The following KCNH1 variants were observed in gnomAD, a reference collection of about 807,000 sequenced individuals.
The protein encoded by KCNH1 is potassium voltage-gated channel subfamily H member 1.
Under a neutral mutation model 69.2 loss-of-function variants are expected in KCNH1, and 27 were observed. The observed-to-expected ratio is 0.39, with a 90% CI of 0.29 to 0.54. The LOEUF (loss-of-function observed/expected upper bound fraction) is 0.54, where lower values mean the gene tolerates loss of function less well. Ranked by LOEUF, KCNH1 falls within the 20% of genes least tolerant of loss-of-function variation. KCNH1 has a pLI of 0.68. For synonymous variants in KCNH1, 456 were observed against 487.7 expected, an observed-to-expected ratio of 0.93 and a Z score of 0.86; for missense variants, 798 against 1,261.6, an observed-to-expected ratio of 0.63 and a Z score of 5.57.
chr1:211,125,068 C>A (rs1435838565), intron 1 of KCNH1, among the ~76,000 whole-genome samples: 1 of 152,170 alleles, frequency 6.6e-6, no homozygotes, highest in Non-Finnish European at 1.5e-5. Context: ...CTACCCAAAC[C>A]CAAAGAGAGC....
At chr1:211,051,099 G>A (rs1408097433) in intron 5 of KCNH1, among the ~76,000 whole-genome samples, 1 of 152,064 alleles carries the variant, frequency 6.6e-6, no homozygotes, top group East Asian at 1.9e-4. Context: ...CCGGGTTCAA[G>A]TGATTCTCGT....
At chr1:210,835,357 A>G (rs1236176269) in intron 7 of KCNH1, among the ~76,000 whole-genome samples, 2 of 152,230 alleles carry the variant, frequency 1.3e-5, no homozygotes, top group African/African-American at 2.4e-5. Context: ...CCAGAATTCC[A>G]TGAGCTCTAA....
At chr1:210,743,600 G>A (rs957071108) in intron 10 of KCNH1, among the ~76,000 whole-genome samples, 10 of 152,166 alleles carry the variant, frequency 6.6e-5, no homozygotes, top group East Asian at 3.9e-4. Context: ...GGACAAGAAC[G>A]CCTATTTTTA....
intron 6 of KCNH1, among the ~76,000 whole-genome samples, chr1:210,955,530 A>G (rs1050822286): frequency 6.6e-6 from 1 of 152,174 alleles, no homozygotes; most frequent in Non-Finnish European, 1.5e-5. Context: ...CTTCCTGTCC[A>G]TGAGCATGGA....
chr1:210,759,164 C>CACACAT (rs1683461048), intron 10 of KCNH1, among the ~76,000 whole-genome samples: 3 of 151,314 alleles, frequency 2.0e-5, no homozygotes, highest in Admixed American at 2.0e-4. Context: ...TAGACACACA[C>CACACAT]ACACACACAC....
At chr1:210,850,218 G>T (rs1358484696) in intron 7 of KCNH1, among the ~76,000 whole-genome samples, 1 of 152,126 alleles carries the variant, frequency 6.6e-6, no homozygotes, top group Non-Finnish European at 1.5e-5. Context: ...AACATCTGGG[G>T]CCAGGTGCGG....
Position 210,865,959 on chromosome 1 carries a change from T to C in KCNH1, c.1462+53681A>G, listed in dbSNP as rs575976379. On this transcript the variant is annotated intron_variant, in intron 7 of 10. Coordinates refer to ENST00000271751, the MANE Select transcript of KCNH1 (RefSeq NM_172362.3). ...GGCTAAATGTGGGTCAAAAAGTATG[T>C]TATAGATCAGCTTTAGTTGAAAAAA... is the stretch of plus-strand genomic sequence containing the variant. 3.3e-5 allele frequency among the ~76,000 whole-genome samples: 5 copies of C among 152,258 alleles called. No individual in the cohort carries two copies. In the South Asian group the frequency reaches 1.0e-3, roughly 32 times the overall value.
intron 6 of KCNH1, among the ~76,000 whole-genome samples, chr1:210,943,479 G>T (rs11582806): frequency 0.045 from 6,921 of 152,126 alleles, 265 homozygotes; most frequent in South Asian, 0.14. Context: ...CTCCCAAGCA[G>T]CTGGGAATAC....
chr1:211,120,293 A>G (rs1476450052), intron 1 of KCNH1, among the ~76,000 whole-genome samples: 1 of 151,606 alleles, frequency 6.6e-6, no homozygotes, highest in South Asian at 2.1e-4. Context: ...GGGTTCAAGC[A>G]ATTCTCCTGC....
chr1:210,968,889 C>G (rs1199181078), intron 6 of KCNH1, among the ~76,000 whole-genome samples: 1 of 152,012 alleles, frequency 6.6e-6, no homozygotes, highest in African/African-American at 2.4e-5. Context: ...AAATATCCCC[C>G]CATTACAATG....
intron 9 of KCNH1, among the ~76,000 whole-genome samples, chr1:210,795,962 A>AACACACACAC (rs369505764): frequency 0.027 from 3,738 of 135,936 alleles, 88 homozygotes; most frequent in East Asian, 0.1. Flanking sequence ...CTCTACTAAA[A>AACACACACAC]ACACACACAC....
At chr1:210,835,025 A>G (rs7520112) in intron 7 of KCNH1, among the ~76,000 whole-genome samples, 13,734 of 152,228 alleles carry the variant, frequency 0.09, 1,386 homozygotes, top group African/African-American at 0.24. Context: ...TGCGAGTCAT[A>G]AAGCCTTCTG....
chr1:210,927,732 T>C (rs2102571709), intron 6 of KCNH1, among the ~76,000 whole-genome samples: 1 of 152,272 alleles, frequency 6.6e-6, no homozygotes, highest in South Asian at 2.1e-4. Flanking sequence ...TGAATGTAAA[T>C]GGCCTAAAGG....
In KCNH1 at chr1:211,134,132, G is replaced by A. The variant is rs1020001293; in HGVS notation, c.-187C>T. 5 of 482,398 alleles carry A rather than the reference G, an allele frequency of 1.0e-5. No individual in the cohort carries two copies. Among genetic ancestry groups the A allele is most frequent in the African/African-American group, 1.0e-4 (5 of 48,344 alleles). 29.9% of individuals were successfully genotyped at this position (482,398 alleles called of 1,614,324 possible). ...GCCCTCTTCGCGCCTCCCTCCCTGC[G>A]GCCCGCCTCGCAGTGCACTCGCGCC... On this transcript the variant is annotated 5_prime_UTR_variant, in exon 1 of 11. Transcript: ENST00000271751. This position sits in a 1 kb window ranked among gnomAD's most constrained non-coding sequence, Gnocchi z 5.7.
At chr1:210,757,847 G>T (rs1259762140) in intron 10 of KCNH1, among the ~76,000 whole-genome samples, 1 of 152,204 alleles carries the variant, frequency 6.6e-6, no homozygotes, top group Non-Finnish European at 1.5e-5. Flanking sequence ...GCCCTGTGGG[G>T]GCTCCATAAA....
In KCNH1 at chr1:210,797,608, C is replaced by A. The variant is rs760359944; in HGVS notation, c.1815G>T (p.Gly605=). The A allele has an allele frequency of 1.2e-6, 2 of 1,614,206 alleles. No homozygotes were observed. ...MEFQTVHCAP[G]DLIYHAGESV... is the part of the protein sequence containing the mutation. ...TCTCTCCTGCATGGTAGATGAGGTC[C>A]CCTGGGGCACAGTGCACCGTCTGGA... is the stretch of plus-strand genomic sequence containing the variant. The change falls in exon 9 of 11, where the codon GGG becomes GGT. Residue 605 remains glycine, a synonymous_variant. Transcript: ENST00000271751.
chr1:210,792,093 C>T (rs1377009255), intron 9 of KCNH1, among the ~76,000 whole-genome samples: 2 of 152,112 alleles, frequency 1.3e-5, no homozygotes, highest in Admixed American at 1.3e-4. Context: ...CCACTTCCTC[C>T]TCCTCTGGCC....
intron 7 of KCNH1, among the ~76,000 whole-genome samples, chr1:210,894,156 C>T (rs1187932045): frequency 6.6e-6 from 1 of 152,034 alleles, no homozygotes; most frequent in African/African-American, 2.4e-5. Flanking sequence ...GTGAATAGGA[C>T]TTTTGGGGTA....
At chr1:210,912,446 CT>C in intron 7 of KCNH1, among the ~76,000 whole-genome samples, 1 of 152,178 alleles carries the variant, frequency 6.6e-6, no homozygotes, top group Non-Finnish European at 1.5e-5. Context: ...TCCAGATATA[CT>C]TATATTTAAT....
Sources: gnomAD v4.1 joint callset for allele counts (sites outside exome capture counted in the v4.1 genomes callset) on GRCh38, gnomAD v4.1.1 for gene constraint, Gnocchi (gnomAD v3.1) non-coding constraint, MANE v1.5 for transcripts, NCBI Gene and HGNC (gene_info 2026-07-23, HGNC 2026-07-21) for gene names.